DOK5: variants seen among roughly 807,000 people sequenced by gnomAD.
DOK5 encodes docking protein 5.
In DOK5, 27 loss-of-function variants were observed where a neutral mutation model predicts 43.3. The observed-to-expected ratio is 0.62, with a 90% CI of 0.46 to 0.86. The LOEUF is 0.86. DOK5 is among the 40% of genes least tolerant of loss of function. DOK5 has a pLI of 0.00. For missense variants in DOK5, 373 were observed against 392.9 expected (o/e 0.95, Z 0.43); for synonymous variants, 146 against 140.1 (o/e 1.04, Z -0.30).
chr20:54,574,910 A>G (rs1420913031), intron 2 of DOK5, among the ~76,000 whole-genome samples: 1 of 152,222 alleles, frequency 6.6e-6, no homozygotes, highest in Non-Finnish European at 1.5e-5. Flanking sequence ...TACTATAAAC[A>G]GAAATGGCAG....
intron 1 of DOK5, among the ~76,000 whole-genome samples, chr20:54,480,605 A>G (rs1014511854): frequency 6.6e-6 from 1 of 152,102 alleles, no homozygotes; most frequent in African/African-American, 2.4e-5. Context: ...TTCCTAATAA[A>G]CTTGCTTTCA....
intron 2 of DOK5, among the ~76,000 whole-genome samples, chr20:54,568,117 G>A (rs1448973150): frequency 6.6e-6 from 1 of 152,120 alleles, no homozygotes; most frequent in Non-Finnish European, 1.5e-5. Context: ...GTTTATAAAA[G>A]TTTAATTTGT....
intron 1 of DOK5, among the ~76,000 whole-genome samples, chr20:54,529,946 AC>A (rs1490169953): frequency 6.6e-6 from 1 of 152,224 alleles, no homozygotes; most frequent in Non-Finnish European, 1.5e-5. Context: ...GTGTGGATAG[AC>A]CACATTTTGT....
intron 1 of DOK5, among the ~76,000 whole-genome samples, chr20:54,517,011 C>T (rs1001940985): frequency 1.3e-5 from 2 of 152,166 alleles, no homozygotes; most frequent in Non-Finnish European, 2.9e-5. Flanking sequence ...TGCAACATAT[C>T]TCGGGTTGAT....
chr20:54,510,929 A>C (rs1982993806), intron 1 of DOK5, among the ~76,000 whole-genome samples: 1 of 152,234 alleles, frequency 6.6e-6, no homozygotes, highest in Admixed American at 6.5e-5. Flanking sequence ...GGTGCTCAGC[A>C]GGACAACACA....
intron 1 of DOK5, among the ~76,000 whole-genome samples, chr20:54,552,103 C>T (rs1200882716): frequency 3.9e-5 from 6 of 152,222 alleles, no homozygotes; most frequent in Non-Finnish European, 8.8e-5. Context: ...GCTGGGATTA[C>T]AGGCATGAGC....
intron 7 of DOK5, among the ~76,000 whole-genome samples, chr20:54,645,517 G>A (rs9753749): frequency 0.44 from 66,458 of 151,496 alleles, 15,976 homozygotes; most frequent in South Asian, 0.64. Flanking sequence ...AGCTTTTCCT[G>A]TATGCTGCGC....
intron 4 of DOK5, among the ~76,000 whole-genome samples, chr20:54,590,615 G>A (rs1985950352): frequency 6.6e-6 from 1 of 152,046 alleles, no homozygotes; most frequent in South Asian, 2.1e-4. Flanking sequence ...AAAAATTTTT[G>A]AATAGTAGAT....
chr20:54,556,502 A>G (rs1443718972), intron 2 of DOK5, among the ~76,000 whole-genome samples: 2 of 152,220 alleles, frequency 1.3e-5, no homozygotes, highest in Non-Finnish European at 2.9e-5. Context: ...AACTATTTGT[A>G]TCCAGTCATT....
chr20:54,635,482 C>T (rs1027160725), intron 6 of DOK5, among the ~76,000 whole-genome samples: 1 of 152,216 alleles, frequency 6.6e-6, no homozygotes, highest in African/African-American at 2.4e-5. Context: ...CTTACCTTAA[C>T]TCAGATACTC....
chr20:54,582,068 T>C (rs545044481), intron 2 of DOK5, among the ~76,000 whole-genome samples: 1 of 152,082 alleles, frequency 6.6e-6, no homozygotes, highest in East Asian at 1.9e-4. Context: ...TTGTTGAGTG[T>C]TTTTATCATG....
chr20:54,543,043 A>G (rs1055845946), intron 1 of DOK5, among the ~76,000 whole-genome samples: 60 of 152,320 alleles, frequency 3.9e-4, no homozygotes, highest in African/African-American at 1.4e-3. Flanking sequence ...CCTTGCAGAG[A>G]AATATAAATA....
rs542815981 is a variant in DOK5, at chr20:54,499,518, C to T, written c.66+23506C>T. Among the ~76,000 whole-genome samples, 9 of 152,278 alleles carry T rather than the reference C, an allele frequency of 5.9e-5. No homozygotes were observed. The South Asian group carries it at 8.3e-4, about 14-fold the overall frequency. On this transcript the variant is annotated intron_variant, in intron 1 of 7. Transcript: ENST00000262593. ...AATCAGGCATCACCCACAAAGACTG[C>T]GTCTGTGAATGTTCTGCTAATATGG...
chr20:54,497,356 G>T (rs549790000), intron 1 of DOK5, among the ~76,000 whole-genome samples: 1 of 152,344 alleles, frequency 6.6e-6, no homozygotes, highest in East Asian at 1.9e-4. Flanking sequence ...AATTTAAACA[G>T]TCTTACATTT....
intron 2 of DOK5, among the ~76,000 whole-genome samples, chr20:54,558,842 T>C (rs6014054): frequency 0.07 from 10,646 of 152,222 alleles, 397 homozygotes; most frequent in African/African-American, 0.083. Flanking sequence ...TCTGACTCTT[T>C]TTAGAAGTTT....
At chr20:54,519,251 C>T (rs1260599554) in intron 1 of DOK5, among the ~76,000 whole-genome samples, 4 of 151,980 alleles carry the variant, frequency 2.6e-5, no homozygotes, top group South Asian at 2.1e-4. Flanking sequence ...GTTTAAACTG[C>T]GTTATCTTGT....
At chr20:54,596,423 A>G (rs73913614) in intron 5 of DOK5, among the ~76,000 whole-genome samples, 2,307 of 152,322 alleles carry the variant, frequency 0.015, 70 homozygotes, top group African/African-American at 0.053. Flanking sequence ...AGTTCTGCTC[A>G]TGTTCAGCCT....
chr20:54,619,617 G>A (rs559012965), intron 6 of DOK5, among the ~76,000 whole-genome samples: 2 of 152,272 alleles, frequency 1.3e-5, no homozygotes, highest in South Asian at 2.1e-4. Flanking sequence ...CCTGTACTCT[G>A]GAGTCCTGAT....
intron 5 of DOK5, among the ~76,000 whole-genome samples, chr20:54,603,361 G>A (rs1231582858): frequency 6.6e-6 from 1 of 152,230 alleles, no homozygotes; most frequent in African/African-American, 2.4e-5. Flanking sequence ...GTCTTAAGCT[G>A]AGATCAACCA....
Sources: allele counts gnomAD v4.1 joint callset (sites outside exome capture counted in the v4.1 genomes callset), GRCh38; gene constraint gnomAD v4.1.1; transcripts MANE v1.5; gene names NCBI Gene and HGNC (gene_info 2026-07-23, HGNC 2026-07-21).